Variants in BRCC3 observed in about 807,000 individuals in gnomAD.
The protein encoded by BRCC3 is BRCA1/BRCA2-containing complex subunit 3, also known as lys-63-specific deubiquitinase BRCC36.
BRCC3 carries 15 observed loss-of-function variants against 28.0 expected under a neutral mutation model. The ratio of observed to expected loss-of-function variants is 0.54; its 90% CI spans 0.36 to 0.82. BRCC3 has a LOEUF of 0.82. BRCC3 is among the 40% of genes least tolerant of loss of function. The pLI, the probability that BRCC3 is intolerant of heterozygous loss-of-function variation, is 0.01. For missense variants in BRCC3, 109 were observed against 225.9 expected (o/e 0.48, Z 3.32); for synonymous variants, 66 against 80.3 (o/e 0.82, Z 0.95).
intron 2 of BRCC3, among the ~76,000 whole-genome samples, chrX:155,072,592 C>A (rs2073994649): frequency 9.0e-6 from 1 of 111,365 alleles, no homozygotes; most frequent in South Asian, 3.8e-4. Context: ...GACAGAGCCT[C>A]ACTCTGTCGC....
At chrX:155,096,041 AT>A (rs1557296212) in intron 7 of BRCC3, among the ~76,000 whole-genome samples, 1 of 112,382 alleles carries the variant, frequency 8.9e-6, no homozygotes, top group Non-Finnish European at 1.9e-5. Context: ...ATCTCCATCA[AT>A]AAGTAATGCA....
At chrX:155,105,352 G>T (rs782710262) in intron 7 of BRCC3, among the ~76,000 whole-genome samples, 2 of 111,315 alleles carry the variant, frequency 1.8e-5, no homozygotes, top group Admixed American at 1.9e-4. Context: ...GTGTGGTGGC[G>T]CATGCCTGTA....
chrX:155,075,954 C>T (rs1299233313), intron 3 of BRCC3, among the ~76,000 whole-genome samples: 2 of 112,184 alleles, frequency 1.8e-5, no homozygotes, highest in Non-Finnish European at 3.8e-5. Context: ...ATCTGTTCCC[C>T]CCACTTCCCA....
At chrX:155,107,447 T>C (rs1557297660) in intron 7 of BRCC3, among the ~76,000 whole-genome samples, 1 of 110,690 alleles carries the variant, frequency 9.0e-6, no homozygotes, top group African/African-American at 3.3e-5. Flanking sequence ...GCCCCAAACC[T>C]GCAGCCCTTC....
At chrX:155,085,432 G>A (rs917155894) in intron 5 of BRCC3, among the ~76,000 whole-genome samples, 8 of 112,165 alleles carry the variant, frequency 7.1e-5, no homozygotes, top group South Asian at 3.7e-4. Context: ...GCTCTCTGCC[G>A]TACTTGCCAT....
chrX:155,084,526 C>A (rs2074107708), intron 5 of BRCC3, among the ~76,000 whole-genome samples: 1 of 111,759 alleles, frequency 8.9e-6, no homozygotes, highest in South Asian at 3.8e-4. Flanking sequence ...CCACACCCGG[C>A]TAATTTTTTT....
intron 5 of BRCC3, 186 bp downstream of exon 5, chrX:155,078,889 GTC>G (rs1249871819): frequency 5.6e-6 from 2 of 354,507 alleles, no homozygotes; most frequent in African/African-American, 5.4e-5. Context: ...TTTTTAATAA[GTC>G]TGTCAGTTGA....
intron 7 of BRCC3, among the ~76,000 whole-genome samples, chrX:155,094,616 A>G (rs1401380048): frequency 9.0e-6 from 1 of 111,520 alleles, no homozygotes; most frequent in African/African-American, 3.3e-5. Flanking sequence ...TAATTAGCAT[A>G]ATTTAGAACA....
At chrX:155,072,860 G>A (rs1309063098) in intron 2 of BRCC3, among the ~76,000 whole-genome samples, 1 of 110,725 alleles carries the variant, frequency 9.0e-6, no homozygotes, top group African/African-American at 3.3e-5. Flanking sequence ...ACCTGGCCTT[G>A]CTCAGTGTAT....
At chrX:155,086,099 T>TTTTAACAGCAACATGCA in intron 5 of BRCC3, among the ~76,000 whole-genome samples, 2 of 111,009 alleles carry the variant, frequency 1.8e-5, no homozygotes, top group African/African-American at 6.6e-5. Context: ...GCAACACACC[T>TTTTAACAGCAACATGCA]TGGAAATCAT....
At chrX:155,099,473 A>G in intron 7 of BRCC3, 1 of 1,131,956 alleles carries the variant, frequency 8.8e-7, no homozygotes. Context: ...AAACAATTCC[A>G]CTTCCATCTC....
chrX:155,106,181 G>A (rs181402890), intron 7 of BRCC3, among the ~76,000 whole-genome samples: 80 of 111,962 alleles, frequency 7.1e-4, no homozygotes, highest in African/African-American at 2.2e-3. Context: ...TGTGTCTTTC[G>A]GGAGTGTTGT....
At chrX:155,104,681 C>T (rs184594998) in intron 7 of BRCC3, among the ~76,000 whole-genome samples, 185 of 112,930 alleles carry the variant, frequency 1.6e-3, no homozygotes, top group African/African-American at 5.7e-3. Context: ...CAAGCCCTAC[C>T]TGGGGGTTCT....
At position 155,121,522 on chromosome X, in the gene BRCC3, A is replaced by G. The variant is rs895131859; in HGVS notation, c.*318A>G. The G allele has an allele frequency of 8.9e-6, 1 of 112,215 alleles. No individual in the cohort carries two copies. Among genetic ancestry groups the G allele is most frequent in the Non-Finnish European group, 1.9e-5 (1 of 53,256 alleles). 9.2% of individuals were successfully genotyped at this position (112,215 alleles called of 1,213,427 possible). A position where few individuals can be genotyped will look rare whatever the true frequency, so the allele number is the denominator to read the frequency against. ...ATTAGACACCCATGGCGAGGAGAAA[A>G]AAGAACCTCTACTTAAACCTCACAT... On this transcript the variant is annotated 3_prime_UTR_variant, in exon 11 of 11. Coordinates refer to ENST00000330045, the MANE Select transcript of BRCC3 (RefSeq NM_001018055.3).
chrX:155,075,297 G>A (rs199640185), intron 3 of BRCC3, among the ~76,000 whole-genome samples: 4,458 of 53,601 alleles, frequency 0.083, 100 homozygotes, highest in African/African-American at 0.11. Context: ...CTTTCCCCTG[G>A]CCCTTCTTGT....
intron 7 of BRCC3, chrX:155,099,296 G>T: frequency 8.3e-7 from 1 of 1,205,951 alleles, no homozygotes; most frequent in East Asian, 3.0e-5. Flanking sequence ...CCATCTTGGT[G>T]TGTGGTTTCC....
chrX:155,072,520 A>G (rs1395294268), intron 2 of BRCC3, among the ~76,000 whole-genome samples, 177 bp downstream of exon 2: 1 of 111,002 alleles, frequency 9.0e-6, no homozygotes, highest in African/African-American at 3.3e-5. Context: ...CCTCCTATTC[A>G]GTTGAGATAT....
chrX:155,116,605 A>C (rs781902415), intron 8 of BRCC3, 106 bp from the exon 9 acceptor site: 56 of 448,324 alleles, frequency 1.2e-4, no homozygotes, highest in East Asian at 9.9e-4. Context: ...TGGGGATTTA[A>C]ATACTACATA....
At chrX:155,118,942 C>T (rs1345040043) in intron 9 of BRCC3, among the ~76,000 whole-genome samples, 1 of 111,040 alleles carries the variant, frequency 9.0e-6, no homozygotes, top group Non-Finnish European at 1.9e-5. Flanking sequence ...GTAAATTACA[C>T]CCCCAAAAGC....
Sources: gnomAD v4.1 joint callset for allele counts (sites outside exome capture counted in the v4.1 genomes callset) on GRCh38, gnomAD v4.1.1 for gene constraint, MANE v1.5 for transcripts, NCBI Gene and HGNC (gene_info 2026-07-23, HGNC 2026-07-21) for gene names.